TAB1: variants seen among roughly 807,000 people sequenced by gnomAD.
The protein encoded by TAB1 is TGF-beta activated kinase 1 (MAP3K7) binding protein 1.
In TAB1, 30 loss-of-function variants were observed where a neutral mutation model predicts 54.5. The ratio of observed to expected loss-of-function variants is 0.55; its 90% CI spans 0.41 to 0.75. The LOEUF is 0.75. Among genes scored for constraint, TAB1 ranks in the 30% least tolerant of loss-of-function variants. The pLI is 0.00. For synonymous variants in TAB1, 289 were observed against 286.9 expected (o/e 1.01, Z -0.07); for missense variants, 609 against 683.2 (o/e 0.89, Z 1.21).
intron 6 of TAB1, among the ~76,000 whole-genome samples, chr22:39,419,316 G>A (rs2071295880): frequency 6.6e-6 from 1 of 152,220 alleles, no homozygotes; most frequent in Admixed American, 6.5e-5. Context: ...GACGGGCTCT[G>A]AGTGAGGTGT....
intron 1 of TAB1, among the ~76,000 whole-genome samples, chr22:39,401,933 C>T (rs931429917): frequency 9.9e-5 from 15 of 152,186 alleles, no homozygotes; most frequent in African/African-American, 3.1e-4. Flanking sequence ...TGGTCTGTGG[C>T]TACTGGGCAA....
At chr22:39,401,197 G>A (rs1287113181) in intron 1 of TAB1, among the ~76,000 whole-genome samples, 1 of 152,146 alleles carries the variant, frequency 6.6e-6, no homozygotes, top group Non-Finnish European at 1.5e-5. Flanking sequence ...TCCAGTGCTC[G>A]CCCTTGGCGT....
chr22:39,432,836 A>C (rs1400712211), downstream of TAB1: 2 of 985,232 alleles, frequency 2.0e-6, no homozygotes, highest in Non-Finnish European at 2.4e-6. Flanking sequence ...TACTTACTGC[A>C]CTTGAGCCTG....
downstream of TAB1, chr22:39,433,708 A>T: frequency 1.0e-6 from 1 of 985,358 alleles, no homozygotes; most frequent in Non-Finnish European, 1.2e-6. Context: ...CCGTGTCGGG[A>T]TGTTCCTGCC....
At chr22:39,403,380 G>A (rs998330251) in intron 1 of TAB1, among the ~76,000 whole-genome samples, 8 of 152,214 alleles carry the variant, frequency 5.3e-5, no homozygotes, top group Admixed American at 2.0e-4. Flanking sequence ...CGGGGAAATG[G>A]GGGCAGCATT....
intron 1 of TAB1, among the ~76,000 whole-genome samples, chr22:39,408,306 C>A (rs1431775227): frequency 1.3e-5 from 2 of 152,138 alleles, no homozygotes; most frequent in African/African-American, 4.8e-5. Context: ...GTTAGTTATT[C>A]CCACATCAGC....
At chr22:39,431,913 G>A (rs187303682), downstream of TAB1, 32 of 982,064 alleles carry the variant, frequency 3.3e-5, no homozygotes, top group East Asian at 2.2e-3. Flanking sequence ...CCTGTAACTC[G>A]CAGTGGCCCT....
At chr22:39,406,860 C>T (rs1347197452) in intron 1 of TAB1, among the ~76,000 whole-genome samples, 3 of 152,180 alleles carry the variant, frequency 2.0e-5, no homozygotes, top group Non-Finnish European at 4.4e-5. Context: ...GTCTCAATCT[C>T]TTGACCTCAT....
At chr22:39,400,096 G>T (rs987507940) in intron 1 of TAB1, among the ~76,000 whole-genome samples, 1 of 152,190 alleles carries the variant, frequency 6.6e-6, no homozygotes, top group East Asian at 1.9e-4. Flanking sequence ...GCGTCCTGGA[G>T]CCAGAAGGGA....
chr22:39,424,352 G>A (rs1807414010), intron 8 of TAB1, among the ~76,000 whole-genome samples: 1 of 151,360 alleles, frequency 6.6e-6, no homozygotes, highest in African/African-American at 2.4e-5. Context: ...CCTTTAGGTA[G>A]ATGCCCAGAC....
intron 1 of TAB1, among the ~76,000 whole-genome samples, chr22:39,412,638 A>C (rs1037293534): frequency 8.5e-5 from 13 of 152,206 alleles, no homozygotes; most frequent in African/African-American, 3.1e-4. Context: ...TATATGAAAA[A>C]AAGTGAAGTC....
In TAB1 at chr22:39,430,863, G is replaced by C. The variant is rs561741281; in HGVS notation, c.*641G>C. The C allele has an allele frequency of 1.0e-6, 1 of 990,464 alleles. No homozygotes were observed. The highest frequency in any genetic ancestry group is 1.1e-4 in the East Asian group (1 of 8,990). 61.4% of individuals were successfully genotyped at this position (990,464 alleles called of 1,614,324 possible). On this transcript the variant is annotated 3_prime_UTR_variant, in exon 11 of 11. Coordinates refer to ENST00000216160, the MANE Select transcript of TAB1 (RefSeq NM_006116.3). ...CCAGGTGGAAAGGAGCCAGGGGGAA[G>C]TGGTCTAAGAGACCTGGAACTGCCA...
At chr22:39,427,888 G>A (rs923535758) in intron 9 of TAB1, 133 bp from the exon 10 acceptor site, 11 of 852,408 alleles carry the variant, frequency 1.3e-5, no homozygotes, top group Middle Eastern at 6.9e-4. Context: ...CTGGGCTTGG[G>A]GAGCCAGGCA....
At chr22:39,434,381 C>T (rs1927707424), downstream of TAB1, among the ~76,000 whole-genome samples, 1 of 152,240 alleles carries the variant, frequency 6.6e-6, no homozygotes, top group African/African-American at 2.4e-5. Context: ...GTGGTTCTGG[C>T]CTCTTCACAG....
At chr22:39,413,847 G>A (rs1426359516) in intron 1 of TAB1, among the ~76,000 whole-genome samples, 5 of 152,324 alleles carry the variant, frequency 3.3e-5, no homozygotes, top group South Asian at 2.1e-4. Context: ...CAGGTGGGAG[G>A]CCAGATTTGG....
chr22:39,422,258 G>A (rs933463519), intron 8 of TAB1, among the ~76,000 whole-genome samples: 1 of 152,236 alleles, frequency 6.6e-6, no homozygotes, highest in East Asian at 1.9e-4. Flanking sequence ...ACTCTGAGAC[G>A]GCCAGGAAGG....
chr22:39,412,475 T>G (rs1373572158), intron 1 of TAB1, among the ~76,000 whole-genome samples: 8 of 151,470 alleles, frequency 5.3e-5, no homozygotes, highest in Non-Finnish European at 1.2e-4. Context: ...TCTCTACATG[T>G]GTCAACATTC....
chr22:39,437,049 C>G (rs1226014345), downstream of TAB1: 1 of 148,900 alleles, frequency 6.7e-6, no homozygotes, highest in African/African-American at 2.5e-5. Flanking sequence ...GCCTCTTCTG[C>G]AAAAAAAAAA....
At chr22:39,412,582 T>C (rs1926654527) in intron 1 of TAB1, among the ~76,000 whole-genome samples, 1 of 151,942 alleles carries the variant, frequency 6.6e-6, no homozygotes, top group South Asian at 2.1e-4. Flanking sequence ...GGGTGCAAAA[T>C]GTAGAGCTGA....
Sources: allele counts gnomAD v4.1 joint callset (sites outside exome capture counted in the v4.1 genomes callset), GRCh38; gene constraint gnomAD v4.1.1; transcripts MANE v1.5; gene names NCBI Gene and HGNC (gene_info 2026-07-23, HGNC 2026-07-21).